Variants in ABI3BP observed in about 807,000 individuals in gnomAD.
ABI3BP encodes target of Nesh-SH3.
A neutral mutation model predicts 268.6 loss-of-function variants in ABI3BP; 216 were observed. That is an observed-to-expected ratio of 0.80 (90% CI 0.72 to 0.90). The LOEUF is 0.90. Among genes scored for constraint, ABI3BP ranks in the 40% least tolerant of loss-of-function variants. The pLI, the probability that ABI3BP is intolerant of heterozygous loss-of-function variation, is 0.00. For synonymous variants in ABI3BP, 730 were observed against 730.0 expected (o/e 1.00, Z 0.00); for missense variants, 2,090 against 2,182.4 (o/e 0.96, Z 0.84).
rs2095219202 is a variant in ABI3BP at position 100,749,687 on chromosome 3, T to G, written c.*808A>C. ...TTATCTTTTTGTGCTCAGACTTGAC[T>G]TCACATTCAGTCTCTACATACAGCT... On this transcript the variant is annotated 3_prime_UTR_variant, in exon 68 of 68. Coordinates refer to ENST00000471714, the MANE Select transcript of ABI3BP (RefSeq NM_001375547.2). 2 of 398,426 alleles carry G rather than the reference T, an allele frequency of 5.0e-6. No individual in the cohort carries two copies. The highest frequency in any genetic ancestry group is 8.9e-6 in the Non-Finnish European group (2 of 225,834). 24.7% of individuals were successfully genotyped at this position (398,426 alleles called of 1,614,324 possible). A position where few individuals can be genotyped will look rare whatever the true frequency, so the allele number is the denominator to read the frequency against.
At chr3:100,825,670 T>G in intron 35 of ABI3BP, 115 bp downstream of exon 35, 5 of 800,862 alleles carry the variant, frequency 6.2e-6, no homozygotes, top group African/African-American at 1.7e-5. Context: ...CAGGCAGTGA[T>G]GTTTGCTATT....
chr3:100,819,932 A>G (rs1204104243), intron 40 of ABI3BP, among the ~76,000 whole-genome samples: 1 of 144,334 alleles, frequency 6.9e-6, no homozygotes, highest in Non-Finnish European at 1.5e-5. Flanking sequence ...GGGGCAACAG[A>G]GTAAGACTCC....
intron 3 of ABI3BP, among the ~76,000 whole-genome samples, chr3:100,901,138 C>T (rs189191399): frequency 6.6e-6 from 1 of 152,142 alleles, no homozygotes; most frequent in African/African-American, 2.4e-5. Context: ...CTCTCACTAA[C>T]AAGTTGTAAG....
At chr3:100,911,996 A>G (rs2056694716) in intron 2 of ABI3BP, 4 of 796,088 alleles carry the variant, frequency 5.0e-6, no homozygotes, top group Non-Finnish European at 9.0e-6. Flanking sequence ...CATGGAATAT[A>G]TTTCTGAATG....
intron 2 of ABI3BP, among the ~76,000 whole-genome samples, chr3:100,923,704 A>G (rs1367119450): frequency 6.6e-6 from 1 of 152,190 alleles, no homozygotes; most frequent in African/African-American, 2.4e-5. Flanking sequence ...AAACCAATAT[A>G]TATGGAAAAT....
chr3:100,807,339 GTAT>G (rs1374813271), intron 50 of ABI3BP, among the ~76,000 whole-genome samples: 1 of 151,688 alleles, frequency 6.6e-6, no homozygotes, highest in Non-Finnish European at 1.5e-5. Flanking sequence ...TGTTTCAAAT[GTAT>G]TATTATTATT....
At chr3:100,793,299 ATTCCCATGTTACC>A (rs1161037905) in intron 54 of ABI3BP, among the ~76,000 whole-genome samples, 3 of 152,042 alleles carry the variant, frequency 2.0e-5, no homozygotes, top group African/African-American at 7.2e-5. Context: ...CAATACTCCC[ATTCCCATGTTACC>A]TTGAAATCAT....
intron 47 of ABI3BP, 116 bp downstream of exon 47, chr3:100,811,612 A>G: frequency 1.9e-6 from 2 of 1,044,332 alleles, no homozygotes. Context: ...GCTCCTTCAA[A>G]TCTGTTTAAT....
intron 28 of ABI3BP, 21 bp downstream of exon 28, chr3:100,835,580 A>G (rs200655719): frequency 3.9e-6 from 6 of 1,519,602 alleles, no homozygotes. Context: ...ACTCATACTT[A>G]AAGACATAAG....
rs1287850298 is a variant in ABI3BP at position 100,802,799 on chromosome 3, T to C, written c.3757+1993A>G. 3.5e-5 allele frequency among the ~76,000 whole-genome samples: 4 copies of C among 113,784 alleles called. 1 individual carries two copies. Among genetic ancestry groups the C allele is most frequent in the East Asian group, 2.1e-4 (1 of 4,698 alleles). The allele number at this position is 113,784 out of a possible 152,430, so 74.6% of individuals were successfully genotyped here. On this transcript the variant is annotated intron_variant, in intron 51 of 67. Coordinates refer to ENST00000471714, the MANE Select transcript of ABI3BP (RefSeq NM_001375547.2). ...ACTACCTTTTACATTTTTAGACTTT[T>C]ACAGAAGAGTTTATTTCTCCAGGAT...
intron 2 of ABI3BP, among the ~76,000 whole-genome samples, chr3:100,920,962 T>C (rs1474377113): frequency 1.3e-5 from 2 of 152,300 alleles, no homozygotes; most frequent in East Asian, 3.9e-4. Context: ...ACACAGATTT[T>C]AGCATCCTTG....
rs2097134582 is a variant in ABI3BP at position 100,789,308 on chromosome 3, C to A, written c.4087+146G>T. The A allele has an allele frequency of 7.5e-6, 5 of 664,422 alleles. No homozygotes were observed. The South Asian group carries it at 1.1e-4, about 15-fold the overall frequency. 41.2% of individuals were successfully genotyped at this position (664,422 alleles called of 1,614,324 possible). A position where few individuals can be genotyped will look rare whatever the true frequency, so the allele number is the denominator to read the frequency against. On this transcript the variant is annotated intron_variant, in intron 56 of 67. Coordinates refer to ENST00000471714, the MANE Select transcript of ABI3BP (RefSeq NM_001375547.2). ...TGTCACATTTATGGATTCATCAATA[C>A]CTTTCCACTTATCCACACAGATCAG...
intron 20 of ABI3BP, among the ~76,000 whole-genome samples, chr3:100,845,869 A>G (rs1192680034): frequency 6.6e-6 from 1 of 151,312 alleles, no homozygotes; most frequent in Admixed American, 6.6e-5. Context: ...TTAAAGGAAA[A>G]CACCACTAAA....
chr3:100,769,978 G>A (rs1403074116), intron 62 of ABI3BP, among the ~76,000 whole-genome samples: 5 of 152,172 alleles, frequency 3.3e-5, no homozygotes, highest in Admixed American at 6.5e-5. Context: ...CCCTGCATGC[G>A]CTACCTGGTC....
At chr3:100,771,715 G>C (rs1250382495) in intron 61 of ABI3BP, among the ~76,000 whole-genome samples, 2 of 152,094 alleles carry the variant, frequency 1.3e-5, no homozygotes, top group Non-Finnish European at 2.9e-5. Context: ...CATCCAAAAA[G>C]AGGGAGAGAA....
intron 9 of ABI3BP, among the ~76,000 whole-genome samples, chr3:100,869,277 T>C (rs2099083799): frequency 6.6e-6 from 1 of 150,792 alleles, no homozygotes; most frequent in African/African-American, 2.4e-5. Context: ...TTTATATTCT[T>C]TCTATATTAC....
At chr3:100,937,986 T>C (rs372923866) in intron 1 of ABI3BP, among the ~76,000 whole-genome samples, 40 of 152,134 alleles carry the variant, frequency 2.6e-4, no homozygotes, top group Admixed American at 1.1e-3. Context: ...CAAGAGTAAG[T>C]CCTTTGTGGG....
chr3:100,944,326 G>C (rs1398395661), intron 1 of ABI3BP, among the ~76,000 whole-genome samples: 1 of 151,930 alleles, frequency 6.6e-6, no homozygotes, highest in South Asian at 2.1e-4. Context: ...TTTCCAAAAG[G>C]ACTCATACTT....
intron 42 of ABI3BP, 111 bp downstream of exon 42, chr3:100,817,325 G>A (rs1191695143): frequency 1.4e-6 from 1 of 695,214 alleles, no homozygotes; most frequent in Non-Finnish European, 2.3e-6. Context: ...AAGGATAGCA[G>A]AAGATGACAA....
Sources: gnomAD v4.1 joint callset for allele counts (sites outside exome capture counted in the v4.1 genomes callset) on GRCh38, gnomAD v4.1.1 for gene constraint, MANE v1.5 for transcripts, NCBI Gene and HGNC (gene_info 2026-07-23, HGNC 2026-07-21) for gene names.